Variants in SRGN observed in about 807,000 individuals in gnomAD.
SRGN encodes hematopoetic proteoglycan core peptide.
In SRGN, 2 loss-of-function variants were observed where a neutral mutation model predicts 9.5. The ratio of observed to expected loss-of-function variants is 0.21; its 90% CI spans 0.09 to 0.66. SRGN has a LOEUF of 0.66. SRGN is among the 30% of genes least tolerant of loss of function. SRGN has a pLI of 0.83. For missense variants in SRGN, 170 were observed against 192.4 expected (o/e 0.88, Z 0.69); for synonymous variants, 59 against 72.3 (o/e 0.82, Z 0.93).
chr10:69,097,638 A>C (rs561328608), intron 2 of SRGN, among the ~76,000 whole-genome samples: 1 of 152,082 alleles, frequency 6.6e-6, no homozygotes, highest in African/African-American at 2.4e-5. Context: ...CTTATTAGCC[A>C]GGATGGTCTC....
At chr10:69,100,985 C>CTTTT (rs113937899) in intron 2 of SRGN, among the ~76,000 whole-genome samples, 2 of 144,062 alleles carry the variant, frequency 1.4e-5, no homozygotes, top group South Asian at 2.2e-4. Context: ...TTCTTTCTTT[C>CTTTT]TTTTTTTTTT....
At chr10:69,090,921 C>G (rs533935881) in intron 1 of SRGN, among the ~76,000 whole-genome samples, 16 of 152,130 alleles carry the variant, frequency 1.1e-4, no homozygotes, top group Admixed American at 1.0e-3. Context: ...TCCAATGACA[C>G]CCATAAAGAA....
chr10:69,088,261 C>G (rs374660223), intron 1 of SRGN, 25 bp downstream of exon 1: 3 of 1,586,962 alleles, frequency 1.9e-6, no homozygotes, highest in Non-Finnish European at 2.6e-6. Context: ...TCTTGTTCCC[C>G]AGCCATCTTC....
In SRGN at chr10:69,104,129, T is replaced by A; in HGVS notation, c.*9T>A. 6.2e-7 allele frequency: 1 copy of A among 1,610,302 alleles called. No individual in the cohort carries two copies. Among genetic ancestry groups the A allele is most frequent in the Non-Finnish European group, 8.5e-7 (1 of 1,176,802 alleles). ...AGGATTTTATGTTATAAAAGAGGAT[T>A]TTCCCACCTTGACACCAGGCAATGT... On this transcript the variant is annotated 3_prime_UTR_variant, in exon 3 of 3. Coordinates refer to ENST00000242465, the MANE Select transcript of SRGN (RefSeq NM_002727.4).
chr10:69,089,685 G>A (rs1840009559), intron 1 of SRGN, among the ~76,000 whole-genome samples: 1 of 151,888 alleles, frequency 6.6e-6, no homozygotes, highest in Non-Finnish European at 1.5e-5. Context: ...CATGAGGTCA[G>A]GAGTTTGAGA....
In SRGN at chr10:69,104,265, T is replaced by C. The variant is rs1356617828; in HGVS notation, c.*145T>C. The C allele has an allele frequency of 1.8e-6, 2 of 1,084,980 alleles. No individual in the cohort carries two copies. Among genetic ancestry groups the C allele is most frequent in the Non-Finnish European group, 2.6e-6 (2 of 774,262 alleles). The allele number at this position is 1,084,980 out of a possible 1,614,324, so 67.2% of individuals were successfully genotyped here. A position where few individuals can be genotyped will look rare whatever the true frequency, so the allele number is the denominator to read the frequency against. On this transcript the variant is annotated 3_prime_UTR_variant, in exon 3 of 3. Coordinates refer to ENST00000242465, the MANE Select transcript of SRGN (RefSeq NM_002727.4). ...GCTTAAGTTTTATCATCCTTTTTTT[T>C]CTCATGAATTCTTAAAGGATTATGC...
At chr10:69,098,235 T>A (rs1219036792) in intron 2 of SRGN, among the ~76,000 whole-genome samples, 1 of 152,198 alleles carries the variant, frequency 6.6e-6, no homozygotes. Context: ...AGGAATATTA[T>A]TGGGTCATAA....
chr10:69,089,905 A>G (rs1248704177), intron 1 of SRGN, among the ~76,000 whole-genome samples: 1 of 151,798 alleles, frequency 6.6e-6, no homozygotes, highest in Admixed American at 6.6e-5. Flanking sequence ...GAAAGAAAGA[A>G]AGAGAGAGAG....
intron 2 of SRGN, among the ~76,000 whole-genome samples, chr10:69,101,461 T>C (rs1189095692): frequency 2.0e-5 from 3 of 152,138 alleles, no homozygotes; most frequent in Admixed American, 6.6e-5. Flanking sequence ...CCATGCATCT[T>C]CTCCAGGACT....
chr10:69,087,833 CA>C (rs1332943010), upstream of SRGN, among the ~76,000 whole-genome samples: 1 of 151,742 alleles, frequency 6.6e-6, no homozygotes, highest in Non-Finnish European at 1.5e-5. Context: ...CAAACTGTCC[CA>C]AATGCTGATT....
rs376074986 is a variant in SRGN, at chr10:69,102,232, G to A, written c.228-1639G>A. On this transcript the variant is annotated intron_variant, in intron 2 of 2. Coordinates refer to ENST00000242465, the MANE Select transcript of SRGN (RefSeq NM_002727.4). ...CTTCTCTATCTACATGCTTTCTCTC[G>A]ACGACCTCCATCGGTTGCATGGGTT... Among the ~76,000 whole-genome samples the A allele has an allele frequency of 1.1e-4, 17 of 152,076 alleles. No homozygotes were observed. The East Asian group carries it at 2.7e-3, about 24-fold the overall frequency.
At chr10:69,092,592 G>A (rs1425817961) in intron 1 of SRGN, among the ~76,000 whole-genome samples, 1 of 152,138 alleles carries the variant, frequency 6.6e-6, no homozygotes, top group Non-Finnish European at 1.5e-5. Flanking sequence ...TCAAGAGTTT[G>A]AGACTAGCCT....
chr10:69,103,777 T>C (rs182573220), intron 2 of SRGN, 94 bp from the exon 3 acceptor site: 1 of 1,344,224 alleles, frequency 7.4e-7, no homozygotes, highest in East Asian at 2.5e-5. Context: ...TAGATGGCTG[T>C]ATTTATCTCC....
chr10:69,099,304 C>CTTT (rs200610137), intron 2 of SRGN, among the ~76,000 whole-genome samples: 4 of 128,146 alleles, frequency 3.1e-5, no homozygotes, highest in Admixed American at 1.8e-4. Flanking sequence ...GCAACTTTCT[C>CTTT]TTTTGTTTTT....
intron 1 of SRGN, 148 bp downstream of exon 1, chr10:69,088,384 A>T (rs577264047): frequency 1.5e-6 from 1 of 655,576 alleles, no homozygotes; most frequent in East Asian, 2.8e-5. Context: ...GAACCCTTTA[A>T]TATGAGTTCT....
chr10:69,087,644 G>A (rs959935096), upstream of SRGN, among the ~76,000 whole-genome samples: 2 of 151,108 alleles, frequency 1.3e-5, no homozygotes, highest in African/African-American at 2.4e-5. Flanking sequence ...TTCACTTCAC[G>A]AGCTTGGCTC....
intron 1 of SRGN, among the ~76,000 whole-genome samples, chr10:69,091,879 CAAAAAAA>C (rs1177012248): frequency 7.9e-4 from 25 of 31,760 alleles, no homozygotes; most frequent in African/African-American, 2.1e-3. Context: ...GACTCTGTCT[CAAAAAAA>C]AAAAAAAAAA....
At chr10:69,099,791 A>G (rs1422056354) in intron 2 of SRGN, among the ~76,000 whole-genome samples, 1 of 152,190 alleles carries the variant, frequency 6.6e-6, no homozygotes, top group African/African-American at 2.4e-5. Flanking sequence ...ATTGGTTTCA[A>G]TAGTAATTCA....
chr10:69,095,836 C>T (rs756047215), intron 1 of SRGN, among the ~76,000 whole-genome samples: 5 of 151,814 alleles, frequency 3.3e-5, no homozygotes, highest in South Asian at 2.1e-4. Flanking sequence ...TGCTTGAACC[C>T]GGGAGGTGGA....
Sources: allele counts gnomAD v4.1 joint callset (sites outside exome capture counted in the v4.1 genomes callset), GRCh38; gene constraint gnomAD v4.1.1; transcripts MANE v1.5; gene names NCBI Gene and HGNC (gene_info 2026-07-23, HGNC 2026-07-21).